Variants in KCNMA1 observed in about 807,000 individuals in gnomAD.
KCNMA1 encodes potassium calcium-activated channel subfamily M alpha 1.
Under a neutral mutation model 140.0 loss-of-function variants are expected in KCNMA1, and 29 were observed. The ratio of observed to expected loss-of-function variants is 0.21; its 90% CI spans 0.15 to 0.28. The LOEUF (loss-of-function observed/expected upper bound fraction) is 0.28, where lower values mean the gene tolerates loss of function less well. Among genes scored for constraint, KCNMA1 ranks in the 10% least tolerant of loss-of-function variants. The pLI is 1.00. For missense variants in KCNMA1, 880 were observed against 1,602.2 expected (o/e 0.55, Z 7.70); for synonymous variants, 612 against 611.9 (o/e 1.00, Z 0.00).
chr10:76,882,361 G>A (rs955103409), downstream of KCNMA1, among the ~76,000 whole-genome samples: 2 of 152,146 alleles, frequency 1.3e-5, no homozygotes, highest in African/African-American at 2.4e-5. Context: ...AGAGACAACC[G>A]TGGAGAACAG....
intron 1 of KCNMA1, among the ~76,000 whole-genome samples, chr10:77,627,338 T>G (rs1442818920): frequency 3.9e-5 from 6 of 152,088 alleles, no homozygotes; most frequent in Non-Finnish European, 8.8e-5. Flanking sequence ...GGGCTAAACC[T>G]TGGAGATACA....
At chr10:76,946,004 A>G (rs1410000406) in intron 22 of KCNMA1, among the ~76,000 whole-genome samples, 1 of 152,226 alleles carries the variant, frequency 6.6e-6, no homozygotes, top group Non-Finnish European at 1.5e-5. Flanking sequence ...TAACAAGAAC[A>G]TATTTGTATA....
At chr10:77,384,329 G>A (rs1005457873) in intron 2 of KCNMA1, among the ~76,000 whole-genome samples, 1 of 152,146 alleles carries the variant, frequency 6.6e-6, no homozygotes. Context: ...TTGGAAAGAG[G>A]GCAGCATGTG....
At chr10:77,125,627 A>T (rs2097715120) in intron 5 of KCNMA1, among the ~76,000 whole-genome samples, 1 of 152,198 alleles carries the variant, frequency 6.6e-6, no homozygotes, top group Non-Finnish European at 1.5e-5. Context: ...TCTCCTCAGC[A>T]TGAAGCACTA....
At chr10:77,350,905 G>A (rs2092795387) in intron 2 of KCNMA1, 1 of 152,246 alleles carries the variant, frequency 6.6e-6, no homozygotes, top group Non-Finnish European at 1.5e-5. Context: ...AAAGGCTAGA[G>A]GGTGGTTTGG....
rs1169838049 is a variant in KCNMA1, at chr10:76,920,020, GTATA to G, written c.2903-4975_2903-4972del. On this transcript the variant is annotated intron_variant, in intron 23 of 27. Transcript: ENST00000286628. Reference sequence around the variant, plus strand: ...TGTGTGTGTGTGTGTGTGTGTGTGTGTATATATATATATATATATATATATATAT... The same window carrying G: ...TGTGTGTGTGTGTGTGTGTGTGTGTGTATATATATATATATATATATATAT... Among the ~76,000 whole-genome samples, 142 of 34,416 alleles carry G rather than the reference GTATA, an allele frequency of 4.1e-3. 4 individuals carry two copies. The highest frequency in any genetic ancestry group is 0.011 in the African/African-American group (108 of 9,480). 22.6% of individuals were successfully genotyped at this position (34,416 alleles called of 152,430 possible).
At chr10:77,082,550 C>A (rs1184475164) in intron 12 of KCNMA1, among the ~76,000 whole-genome samples, 1 of 152,064 alleles carries the variant, frequency 6.6e-6, no homozygotes, top group Non-Finnish European at 1.5e-5. Flanking sequence ...GACAGTGAAG[C>A]CAGGTTCCTT....
intron 16 of KCNMA1, 49 bp downstream of exon 16, chr10:77,027,774 C>G (rs1478134541): frequency 6.8e-7 from 1 of 1,475,816 alleles, no homozygotes; most frequent in Non-Finnish European, 9.5e-7. Flanking sequence ...TCAGAACGCA[C>G]TCTCACCATC....
At chr10:77,286,618 T>G (rs994901871) in intron 2 of KCNMA1, among the ~76,000 whole-genome samples, 3 of 152,190 alleles carry the variant, frequency 2.0e-5, no homozygotes, top group African/African-American at 7.2e-5. Flanking sequence ...TCCCAATTAA[T>G]TCCAGTCCAT....
rs2067921912 is a variant in KCNMA1 at position 77,279,963 on chromosome 10, T to C, written c.541-28707A>G. 4.6e-5 allele frequency among the ~76,000 whole-genome samples: 7 copies of C among 152,206 alleles called. No homozygotes were observed. In the South Asian group the frequency reaches 1.4e-3, roughly 32 times the overall value. ...TTTATAAATTTCCCAGTCTCAGTTA[T>C]ATCTTTATCAGCAGCAAGAAAACAG... On this transcript the variant is annotated intron_variant, in intron 2 of 27. Transcript: ENST00000286628.
At chr10:77,396,563 C>G (rs1285880018) in intron 2 of KCNMA1, among the ~76,000 whole-genome samples, 1 of 152,206 alleles carries the variant, frequency 6.6e-6, no homozygotes, top group South Asian at 2.1e-4. Flanking sequence ...CTATTTAACT[C>G]TGTTAAACCA....
At chr10:77,151,208 CTT>C (rs375713140) in intron 5 of KCNMA1, among the ~76,000 whole-genome samples, 19 of 3,106 alleles carry the variant, frequency 6.1e-3, no homozygotes, top group East Asian at 0.036. Flanking sequence ...CTCTCTCTCT[CTT>C]TCTTTCTTTC....
At chr10:77,105,593 G>A (rs1478783350) in intron 9 of KCNMA1, among the ~76,000 whole-genome samples, 1 of 152,162 alleles carries the variant, frequency 6.6e-6, no homozygotes, top group Non-Finnish European at 1.5e-5. Flanking sequence ...GCATTTATTT[G>A]ATTGGGTCCT....
At chr10:77,281,199 C>T (rs1368465005) in intron 2 of KCNMA1, among the ~76,000 whole-genome samples, 1 of 152,118 alleles carries the variant, frequency 6.6e-6, no homozygotes, top group Non-Finnish European at 1.5e-5. Flanking sequence ...TAACTGGATC[C>T]AGGACCTGAG....
chr10:77,589,414 T>C (rs969729186), intron 1 of KCNMA1, among the ~76,000 whole-genome samples: 1 of 152,126 alleles, frequency 6.6e-6, no homozygotes, highest in Non-Finnish European at 1.5e-5. Context: ...GTCTTCCAAC[T>C]GCACAAACAA....
chr10:76,967,937 C>A (rs1351519942), intron 20 of KCNMA1, among the ~76,000 whole-genome samples: 1 of 152,174 alleles, frequency 6.6e-6, no homozygotes, highest in African/African-American at 2.4e-5. Flanking sequence ...AATTCTCCCC[C>A]ATCATGCAAA....
chr10:77,169,568 A>C (rs995557888), intron 5 of KCNMA1, among the ~76,000 whole-genome samples: 1 of 151,838 alleles, frequency 6.6e-6, no homozygotes, highest in Non-Finnish European at 1.5e-5. Context: ...TTTTTAAAAA[A>C]ATTTTTGTAG....
intron 1 of KCNMA1, among the ~76,000 whole-genome samples, chr10:77,454,300 C>T (rs917099893): frequency 2.6e-5 from 4 of 152,148 alleles, no homozygotes; most frequent in African/African-American, 9.7e-5. Context: ...AAATGCATTT[C>T]AAAGTGCCTC....
At chr10:77,580,111 G>A (rs1028807402) in intron 1 of KCNMA1, among the ~76,000 whole-genome samples, 4 of 152,172 alleles carry the variant, frequency 2.6e-5, no homozygotes, top group Non-Finnish European at 4.4e-5. Context: ...GCCGAGCACC[G>A]TGGCTCATGC....
Sources: gnomAD v4.1 joint callset for allele counts (sites outside exome capture counted in the v4.1 genomes callset) on GRCh38, gnomAD v4.1.1 for gene constraint, MANE v1.5 for transcripts, NCBI Gene and HGNC (gene_info 2026-07-23, HGNC 2026-07-21) for gene names.